The following DPP6 variants were observed in gnomAD, a reference collection of about 807,000 sequenced individuals.
DPP6 encodes A-type potassium channel modulatory protein DPP6.
DPP6 carries 69 observed loss-of-function variants against 122.6 expected under a neutral mutation model. The ratio of observed to expected loss-of-function variants is 0.56; its 90% CI spans 0.46 to 0.69. DPP6 has a LOEUF of 0.69. Among genes scored for constraint, DPP6 ranks in the 30% least tolerant of loss-of-function variants. DPP6 has a pLI of 0.00. For missense variants in DPP6, 928 were observed against 1,116.9 expected, an observed-to-expected ratio of 0.83 and a Z score of 2.41; for synonymous variants, 418 against 433.1, an observed-to-expected ratio of 0.97 and a Z score of 0.43.
intron 7 of DPP6, among the ~76,000 whole-genome samples, chr7:154,692,182 C>A (rs964231395): frequency 6.6e-6 from 1 of 152,046 alleles, no homozygotes; most frequent in African/African-American, 2.4e-5. Flanking sequence ...GAATCTGGGC[C>A]AAAGACATAA....
intron 1 of DPP6, among the ~76,000 whole-genome samples, chr7:154,060,304 T>A (rs1283973303): frequency 4.1e-5 from 4 of 98,184 alleles, no homozygotes; most frequent in African/African-American, 4.2e-5. Context: ...CTTCCCCCCC[T>A]GGCTCTTAGG....
rs571183490 is a variant in DPP6 at position 154,052,720 on chromosome 7, C to CTT, written c.-89_-88dup. On this transcript the variant is annotated 5_prime_UTR_variant, in exon 1 of 26. Coordinates refer to ENST00000377770, the MANE Select transcript of DPP6 (RefSeq NM_130797.4). This position sits in a 1 kb window ranked among gnomAD's most constrained non-coding sequence, Gnocchi z 4.8. ...GCTGCTGCTGCTGCCTCCCCACCGC[C>CTT]TTTTTTTTTTTTTAATCTGGAGCGG... 1.8e-4 allele frequency: 210 copies of CTT among 1,138,272 alleles called. No individual in the cohort carries two copies. Among genetic ancestry groups the CTT allele is most frequent in the South Asian group, 6.7e-4 (40 of 59,634 alleles). The allele number at this position is 1,138,272 out of a possible 1,614,324, so 70.5% of individuals were successfully genotyped here. A position where few individuals can be genotyped will look rare whatever the true frequency, so the allele number is the denominator to read the frequency against.
chr7:154,066,340 GT>G (rs940058691), intron 1 of DPP6, among the ~76,000 whole-genome samples: 63 of 152,294 alleles, frequency 4.1e-4, no homozygotes, highest in African/African-American at 1.5e-3. Flanking sequence ...GATTATAGGT[GT>G]GAGTCACTGT....
intron 1 of DPP6, among the ~76,000 whole-genome samples, chr7:154,093,230 G>A (rs1315203004): frequency 1.4e-5 from 2 of 142,914 alleles, no homozygotes; most frequent in African/African-American, 2.7e-5. Flanking sequence ...TCATACACAC[G>A]ACACACAGCA....
At position 154,730,456 on chromosome 7, in the gene DPP6, G is replaced by T. The variant is rs1385377801; in HGVS notation, c.883+2569G>T. Among the ~76,000 whole-genome samples, 3 of 152,174 alleles carry T rather than the reference G, an allele frequency of 2.0e-5. No individual in the cohort carries two copies. In the East Asian group the frequency reaches 5.8e-4, roughly 29 times the overall value. On this transcript the variant is annotated intron_variant, in intron 8 of 25. Coordinates refer to ENST00000377770, the MANE Select transcript of DPP6 (RefSeq NM_130797.4). The stretch of plus-strand genomic sequence containing the variant: ...CTGTGTGAGACTTGGAGTGGAATAC[G>T]TGCAGCACATGACATGGTCAGCAAG...
chr7:154,183,400 T>G (rs976413873), intron 1 of DPP6, among the ~76,000 whole-genome samples: 4 of 152,222 alleles, frequency 2.6e-5, no homozygotes, highest in Non-Finnish European at 2.9e-5. Flanking sequence ...TTGAAGTAAT[T>G]GTTTAGTTGT....
chr7:154,832,660 C>T (rs1432605941), intron 16 of DPP6, among the ~76,000 whole-genome samples: 1 of 152,232 alleles, frequency 6.6e-6, no homozygotes, highest in African/African-American at 2.4e-5. Context: ...AGCGCTCTGC[C>T]CTCTCCTGTG....
chr7:153,977,085 T>A (rs1218300884), intron 1 of DPP6, among the ~76,000 whole-genome samples: 8 of 152,182 alleles, frequency 5.3e-5, no homozygotes, highest in Non-Finnish European at 1.2e-4. Flanking sequence ...GAGCCTTAAA[T>A]ACAGAAATCT....
chr7:154,445,225 A>C (rs375029099), intron 1 of DPP6, among the ~76,000 whole-genome samples: 2 of 152,292 alleles, frequency 1.3e-5, no homozygotes, highest in African/African-American at 4.8e-5. Context: ...TATGTGCACT[A>C]TAAGAGTGTA....
intron 7 of DPP6, among the ~76,000 whole-genome samples, chr7:154,700,882 C>T (rs763605366): frequency 1.3e-5 from 2 of 152,206 alleles, no homozygotes; most frequent in Non-Finnish European, 2.9e-5. Flanking sequence ...CACACACAGA[C>T]CTCATCTGTC....
chr7:153,950,381 A>T (rs1359310739), intron 1 of DPP6, among the ~76,000 whole-genome samples: 1 of 152,098 alleles, frequency 6.6e-6, no homozygotes, highest in Non-Finnish European at 1.5e-5. Flanking sequence ...CTGGACTAGG[A>T]ATTGGAAGCC....
At chr7:153,867,190 G>A in the DPP6 span, among the ~76,000 whole-genome samples, 1 of 152,174 alleles carries the variant, frequency 6.6e-6, no homozygotes, top group Non-Finnish European at 1.5e-5. Context: ...TGTGAAGAAA[G>A]TAATTGGTAG....
chr7:153,927,530 C>G (rs1342070039), intron 1 of DPP6, among the ~76,000 whole-genome samples: 2 of 152,078 alleles, frequency 1.3e-5, no homozygotes. Flanking sequence ...TCAGTGATAT[C>G]CATTGTAACA....
chr7:154,221,977 T>C (rs1004773118), intron 1 of DPP6, among the ~76,000 whole-genome samples: 2 of 152,144 alleles, frequency 1.3e-5, no homozygotes, highest in Non-Finnish European at 2.9e-5. Context: ...GAAGACTCCT[T>C]ACTCTGCTTG....
At chr7:154,069,335 AT>A (rs1166689617) in intron 1 of DPP6, among the ~76,000 whole-genome samples, 3 of 107,768 alleles carry the variant, frequency 2.8e-5, no homozygotes, top group Non-Finnish European at 5.6e-5. Flanking sequence ...TAATTTTTTT[AT>A]TTTTTGGGCA....
rs2150406241 is a variant in DPP6, at chr7:154,782,902, G to A, written c.1136+9960G>A. 2.0e-5 allele frequency among the ~76,000 whole-genome samples: 3 copies of A among 152,188 alleles called. No homozygotes were observed. In the South Asian group the frequency reaches 6.2e-4, roughly 32 times the overall value. ...GGGTTCAAGCAATTCTCCTGCCTCA[G>A]CCCCCTGAATAGCTGGGATTATAGG... On this transcript the variant is annotated intron_variant, in intron 10 of 25. Transcript: ENST00000377770.
intron 1 of DPP6, among the ~76,000 whole-genome samples, chr7:154,411,550 A>G (rs1361085381): frequency 1.3e-5 from 2 of 152,122 alleles, no homozygotes; most frequent in Non-Finnish European, 2.9e-5. Flanking sequence ...CTCAATTTTT[A>G]TCTCCCTAGA....
intron 3 of DPP6, among the ~76,000 whole-genome samples, chr7:154,506,867 T>G (rs1825707518): frequency 6.6e-6 from 1 of 152,170 alleles, no homozygotes; most frequent in African/African-American, 2.4e-5. Flanking sequence ...GCACTTTCAG[T>G]TAGGAGGATG....
At chr7:154,689,778 G>T (rs2131210173) in intron 7 of DPP6, among the ~76,000 whole-genome samples, 1 of 152,288 alleles carries the variant, frequency 6.6e-6, no homozygotes, top group East Asian at 1.9e-4. Context: ...ATATCAATTT[G>T]CAGTGCTGAT....
Sources: gnomAD v4.1 joint callset for allele counts (sites outside exome capture counted in the v4.1 genomes callset) on GRCh38, gnomAD v4.1.1 for gene constraint, Gnocchi (gnomAD v3.1) non-coding constraint, MANE v1.5 for transcripts, NCBI Gene and HGNC (gene_info 2026-07-23, HGNC 2026-07-21) for gene names.